The following DCC variants were observed in gnomAD, a reference collection of about 807,000 sequenced individuals.
The protein encoded by DCC is DCC netrin 1 receptor.
In DCC, 58 loss-of-function variants were observed where a neutral mutation model predicts 172.5. The ratio of observed to expected loss-of-function variants is 0.34; its 90% CI spans 0.27 to 0.42. The LOEUF (loss-of-function observed/expected upper bound fraction) is 0.42, where lower values mean the gene tolerates loss of function less well. Ranked by LOEUF, DCC falls within the 10% of genes least tolerant of loss-of-function variation. The pLI is 1.00. For synonymous variants in DCC, 709 were observed against 644.5 expected (o/e 1.10, Z -1.52); for missense variants, 1,740 against 1,791.0 (o/e 0.97, Z 0.51).
At chr18:53,145,225 T>A (rs1406709428) in intron 7 of DCC, among the ~76,000 whole-genome samples, 2 of 147,228 alleles carry the variant, frequency 1.4e-5, no homozygotes, top group African/African-American at 5.0e-5. Context: ...GCCATTCTCC[T>A]GCCTCAGCCT....
At chr18:52,651,972 A>G (rs2035140878) in intron 1 of DCC, among the ~76,000 whole-genome samples, 1 of 152,220 alleles carries the variant, frequency 6.6e-6, no homozygotes, top group South Asian at 2.1e-4. Context: ...ATTGGAAGAG[A>G]AAGCCACAGT....
chr18:52,596,720 C>A (rs754543145), intron 1 of DCC, among the ~76,000 whole-genome samples: 2 of 152,206 alleles, frequency 1.3e-5, no homozygotes, highest in Non-Finnish European at 2.9e-5. Flanking sequence ...CAATCCTCTA[C>A]CATTTCTCCT....
chr18:53,434,623 C>T (rs1911823107), intron 21 of DCC, among the ~76,000 whole-genome samples: 1 of 152,176 alleles, frequency 6.6e-6, no homozygotes, highest in African/African-American at 2.4e-5. Flanking sequence ...TCCACTCTTA[C>T]TTCCAATGTG....
chr18:53,366,945 A>G (rs2058012064), intron 15 of DCC, among the ~76,000 whole-genome samples: 1 of 152,192 alleles, frequency 6.6e-6, no homozygotes, highest in African/African-American at 2.4e-5. Flanking sequence ...ACAGTGTCAC[A>G]TGACCAACAC....
At position 52,447,571 on chromosome 18, in the gene DCC, G is replaced by A. The variant is rs116843291; in HGVS notation, c.91+106693G>A. 9.9e-3 allele frequency among the ~76,000 whole-genome samples: 1,508 copies of A among 152,230 alleles called. 56 individuals are homozygous for A. Among genetic ancestry groups the A allele is most frequent in the Admixed American group, 0.065 (997 of 15,284 alleles). On this transcript the variant is annotated intron_variant, in intron 1 of 28. Transcript: ENST00000442544. ...CACCAGAATGGAGGTGTGCTAGTCT[G>A]TTCTCGAACTGCTATAAATAAATAC... is the stretch of plus-strand genomic sequence containing the variant.
At chr18:52,595,789 A>G (rs2033898599) in intron 1 of DCC, among the ~76,000 whole-genome samples, 1 of 152,198 alleles carries the variant, frequency 6.6e-6, no homozygotes, top group Non-Finnish European at 1.5e-5. Flanking sequence ...TTTCTGGGGT[A>G]GATCTCTGAA....
At chr18:52,685,487 G>A (rs1045924421) in intron 1 of DCC, among the ~76,000 whole-genome samples, 9 of 152,112 alleles carry the variant, frequency 5.9e-5, no homozygotes, top group Non-Finnish European at 1.2e-4. Flanking sequence ...GGAAGGTGGG[G>A]CCTAGTGGGA....
At chr18:53,160,535 T>A (rs2054820020) in intron 8 of DCC, among the ~76,000 whole-genome samples, 1 of 152,174 alleles carries the variant, frequency 6.6e-6, no homozygotes, top group South Asian at 2.1e-4. Flanking sequence ...CAAGTAAATG[T>A]AACTTTCTAC....
chr18:53,078,786 A>G (rs2042758354), intron 7 of DCC, among the ~76,000 whole-genome samples: 1 of 152,142 alleles, frequency 6.6e-6, no homozygotes, highest in Admixed American at 6.6e-5. Context: ...AAACATTGAC[A>G]AAATAAATTT....
chr18:52,935,853 C>A (rs1481453042), intron 5 of DCC, among the ~76,000 whole-genome samples: 1 of 151,968 alleles, frequency 6.6e-6, no homozygotes, highest in Non-Finnish European at 1.5e-5. Context: ...GAATGGAGTT[C>A]TTTTGAATTT....
rs148420481 is a variant in DCC, at chr18:53,462,669, T to A, written c.3619+3211T>A. 9.1e-3 allele frequency among the ~76,000 whole-genome samples: 1,383 copies of A among 151,950 alleles called. 24 individuals are homozygous for A. The highest frequency in any genetic ancestry group is 0.027 in the Admixed American group (418 of 15,270). ...CCTGCCCCCAGGTCCATGAAAAAAT[T>A]TTCTTCCATGAAACTGGTCCGTGGT... On this transcript the variant is annotated intron_variant, in intron 24 of 28. Transcript: ENST00000442544.
In DCC at chr18:53,424,591, C is replaced by A. The variant is rs77048393; in HGVS notation, c.3163+8435C>A. ...AGAAAAGACTTCTTAAAACCTAAGA[C>A]TGGGCTTTAAATATATGAGTAGAAC... On this transcript the variant is annotated intron_variant, in intron 21 of 28. Transcript: ENST00000442544. Among the ~76,000 whole-genome samples the A allele has an allele frequency of 3.3e-3, 498 of 152,204 alleles. 4 individuals carry two copies. The highest frequency in any genetic ancestry group is 0.011 in the African/African-American group (459 of 41,544).
chr18:53,213,765 A>T (rs1211249347), intron 11 of DCC, among the ~76,000 whole-genome samples: 1 of 151,184 alleles, frequency 6.6e-6, no homozygotes, highest in Non-Finnish European at 1.5e-5. Context: ...AAATTATATG[A>T]TATAGAGCAT....
chr18:53,438,620 T>C (rs1240064525), intron 22 of DCC, among the ~76,000 whole-genome samples: 1 of 152,222 alleles, frequency 6.6e-6, no homozygotes, highest in Non-Finnish European at 1.5e-5. Context: ...AATTTCAGAT[T>C]GAATTCAAAA....
chr18:52,704,222 G>T (rs2036170357), intron 1 of DCC, among the ~76,000 whole-genome samples: 1 of 151,798 alleles, frequency 6.6e-6, no homozygotes, highest in African/African-American at 2.4e-5. Context: ...ATAATTATTT[G>T]TCATCTAACA....
At chr18:52,610,896 G>A (rs1471508715) in intron 1 of DCC, among the ~76,000 whole-genome samples, 1 of 152,016 alleles carries the variant, frequency 6.6e-6, no homozygotes, top group Admixed American at 6.6e-5. Flanking sequence ...CAGGTGGTGG[G>A]CTAGATTTTC....
chr18:52,776,578 ATCT>A (rs1448605168), intron 2 of DCC, among the ~76,000 whole-genome samples: 3 of 152,256 alleles, frequency 2.0e-5, no homozygotes. Flanking sequence ...TCCCTGAGAG[ATCT>A]TCTGATTGAA....
intron 15 of DCC, among the ~76,000 whole-genome samples, chr18:53,385,192 G>C (rs893374319): frequency 3.9e-5 from 6 of 152,042 alleles, no homozygotes; most frequent in African/African-American, 1.5e-4. Context: ...CTTTTCAATA[G>C]ACAGGGTTCA....
intron 12 of DCC, among the ~76,000 whole-genome samples, chr18:53,245,859 G>A (rs1367455773): frequency 3.3e-5 from 5 of 151,972 alleles, no homozygotes; most frequent in Non-Finnish European, 7.4e-5. Context: ...TTACTTGTCA[G>A]GCTTTCGTAG....
Sources: gnomAD v4.1 joint callset for allele counts (sites outside exome capture counted in the v4.1 genomes callset) on GRCh38, gnomAD v4.1.1 for gene constraint, MANE v1.5 for transcripts, NCBI Gene and HGNC (gene_info 2026-07-23, HGNC 2026-07-21) for gene names.